PLXDC2: variants seen among roughly 807,000 people sequenced by gnomAD.
PLXDC2 encodes plexin domain-containing protein 2.
A neutral mutation model predicts 68.9 loss-of-function variants in PLXDC2; 40 were observed. The observed-to-expected ratio is 0.58, with a 90% CI of 0.45 to 0.76. The LOEUF is 0.76. PLXDC2 is among the 30% of genes least tolerant of loss of function. PLXDC2 has a pLI of 0.00. For synonymous variants in PLXDC2, 243 were observed against 234.2 expected (o/e 1.04, Z -0.34); for missense variants, 644 against 661.9 (o/e 0.97, Z 0.30).
intron 2 of PLXDC2, among the ~76,000 whole-genome samples, chr10:20,025,653 T>A (rs1405273975): frequency 6.6e-6 from 1 of 152,108 alleles, no homozygotes; most frequent in Non-Finnish European, 1.5e-5. Flanking sequence ...GTGGTGATAA[T>A]CTTTTTTTTA....
chr10:20,001,654 G>A (rs1834940174), intron 1 of PLXDC2, 121 bp from the exon 2 acceptor site: 6 of 815,226 alleles, frequency 7.4e-6, no homozygotes, highest in Non-Finnish European at 1.2e-5. Flanking sequence ...AGATTTAACT[G>A]TTACAAGTTA....
At chr10:20,039,388 A>T (rs1455105746) in intron 2 of PLXDC2, among the ~76,000 whole-genome samples, 5 of 152,228 alleles carry the variant, frequency 3.3e-5, no homozygotes, top group Non-Finnish European at 1.5e-5. Flanking sequence ...AGTAAAAAAA[A>T]TTGCACTCTA....
At chr10:19,829,907 A>G (rs1194092255) in intron 1 of PLXDC2, among the ~76,000 whole-genome samples, 1 of 152,210 alleles carries the variant, frequency 6.6e-6, no homozygotes, top group Non-Finnish European at 1.5e-5. Context: ...GGATACTTTA[A>G]TCGGTGTTAT....
chr10:20,057,731 T>G (rs115460487), intron 3 of PLXDC2, among the ~76,000 whole-genome samples: 1,680 of 152,200 alleles, frequency 0.011, 34 homozygotes, highest in African/African-American at 0.038. Context: ...CAAGTAAGGT[T>G]CAAGTTTAAT....
chr10:20,238,982 C>CA (rs1410035898), intron 12 of PLXDC2, among the ~76,000 whole-genome samples: 3 of 151,408 alleles, frequency 2.0e-5, no homozygotes, highest in Admixed American at 1.3e-4. Context: ...AAGCACAGGG[C>CA]AAAAAAAGAC....
intron 9 of PLXDC2, among the ~76,000 whole-genome samples, chr10:20,207,545 G>A (rs888669239): frequency 1.3e-5 from 2 of 152,122 alleles, no homozygotes; most frequent in Admixed American, 6.6e-5. Context: ...TGGTCAGGTG[G>A]CTCCCAAGAA....
intron 12 of PLXDC2, among the ~76,000 whole-genome samples, chr10:20,226,495 A>T (rs1358916560): frequency 6.6e-6 from 1 of 152,222 alleles, no homozygotes; most frequent in Non-Finnish European, 1.5e-5. Flanking sequence ...GAAATTGCTG[A>T]TTTTTACAAA....
At chr10:19,892,096 T>C (rs1837973041) in intron 1 of PLXDC2, among the ~76,000 whole-genome samples, 1 of 152,204 alleles carries the variant, frequency 6.6e-6, no homozygotes, top group Non-Finnish European at 1.5e-5. Context: ...CATTAATATT[T>C]ACTGTAAAAA....
At chr10:20,155,470 A>T (rs892020657) in intron 6 of PLXDC2, among the ~76,000 whole-genome samples, 1 of 152,184 alleles carries the variant, frequency 6.6e-6, no homozygotes, top group Non-Finnish European at 1.5e-5. Flanking sequence ...AGAAAAGAAT[A>T]ATATATATGT....
At chr10:20,044,137 TCTC>T (rs2131679305) in intron 2 of PLXDC2, among the ~76,000 whole-genome samples, 1 of 136,764 alleles carries the variant, frequency 7.3e-6, no homozygotes, top group African/African-American at 2.6e-5. Context: ...CCTCCCTCCC[TCTC>T]TCTCTTTTTC....
chr10:19,979,411 C>A (rs911133149), intron 1 of PLXDC2, among the ~76,000 whole-genome samples: 7 of 146,796 alleles, frequency 4.8e-5, no homozygotes, highest in Non-Finnish European at 8.9e-5. Context: ...CTGAGTCTTG[C>A]TTTGTGGCCC....
intron 12 of PLXDC2, among the ~76,000 whole-genome samples, chr10:20,241,429 T>C (rs1835514763): frequency 6.6e-6 from 1 of 151,888 alleles, no homozygotes; most frequent in Non-Finnish European, 1.5e-5. Context: ...ATTTGGGAAG[T>C]AGCAACCTGA....
At chr10:19,846,124 C>G (rs1827693314) in intron 1 of PLXDC2, among the ~76,000 whole-genome samples, 2 of 152,172 alleles carry the variant, frequency 1.3e-5, no homozygotes, top group African/African-American at 2.4e-5. Context: ...TGAGTCCAAC[C>G]TTTCACTTCT....
chr10:20,035,946 A>C (rs953408017), intron 2 of PLXDC2, among the ~76,000 whole-genome samples: 2 of 152,158 alleles, frequency 1.3e-5, no homozygotes, highest in African/African-American at 4.8e-5. Context: ...GTCAGTTACC[A>C]ATTTTTTGGT....
chr10:20,245,100 G>T (rs1467203673), intron 12 of PLXDC2, among the ~76,000 whole-genome samples: 1 of 152,106 alleles, frequency 6.6e-6, no homozygotes, highest in African/African-American at 2.4e-5. Context: ...GGCAACAAGA[G>T]CAAAATTCCA....
intron 12 of PLXDC2, among the ~76,000 whole-genome samples, chr10:20,240,787 TG>T (rs1354447827): frequency 6.6e-6 from 1 of 152,046 alleles, no homozygotes; most frequent in Admixed American, 6.6e-5. Flanking sequence ...TGTGCAATTT[TG>T]GTCCCTCCAT....
At chr10:20,151,606 CTA>C (rs1316963609) in intron 6 of PLXDC2, among the ~76,000 whole-genome samples, 1 of 152,142 alleles carries the variant, frequency 6.6e-6, no homozygotes, top group African/African-American at 2.4e-5. Flanking sequence ...ATTCACAAAT[CTA>C]TGTCTCATTT....
At chr10:20,269,075 G>A (rs1051719364) in intron 13 of PLXDC2, among the ~76,000 whole-genome samples, 2 of 152,152 alleles carry the variant, frequency 1.3e-5, no homozygotes, top group Non-Finnish European at 2.9e-5. Context: ...CAAAGAATCT[G>A]TGCAGTATAC....
Position 19,938,776 on chromosome 10 carries a change from G to A in PLXDC2, c.113-62999G>A, listed in dbSNP as rs186734512. ...GGGTAAGCAATCAGCAGTACATGAA[G>A]GCTGATTATCAACAGTGTTGTAATT... is the stretch of plus-strand genomic sequence containing the variant. On this transcript the variant is annotated intron_variant, in intron 1 of 13. Transcript: ENST00000377252. 5.6e-4 allele frequency among the ~76,000 whole-genome samples: 85 copies of A among 152,304 alleles called. 1 individual carries two copies. Among genetic ancestry groups the A allele is most frequent in the African/African-American group, 1.9e-3 (81 of 41,566 alleles).
Sources: allele counts gnomAD v4.1 joint callset (sites outside exome capture counted in the v4.1 genomes callset), GRCh38; gene constraint gnomAD v4.1.1; transcripts MANE v1.5; gene names NCBI Gene and HGNC (gene_info 2026-07-23, HGNC 2026-07-21).